Variants in PCDHGA5 observed in about 807,000 individuals in gnomAD.
The protein encoded by PCDHGA5 is protocadherin gamma-A5.
PCDHGA5 carries 36 observed loss-of-function variants against 56.7 expected under a neutral mutation model. That is an observed-to-expected ratio of 0.64 (90% CI 0.49 to 0.84). The LOEUF (loss-of-function observed/expected upper bound fraction) is 0.84, where lower values mean the gene tolerates loss of function less well. PCDHGA5 is among the 40% of genes least tolerant of loss of function. PCDHGA5 has a pLI of 0.00. For missense variants in PCDHGA5, 1,305 were observed against 1,201.5 expected, an observed-to-expected ratio of 1.09 and a Z score of -1.27; for synonymous variants, 563 against 520.2, an observed-to-expected ratio of 1.08 and a Z score of -1.12.
rs143138320 is a variant in PCDHGA5 at position 141,489,458 on chromosome 5, G to C, written c.2422-5349G>C. The stretch of plus-strand genomic sequence containing the variant: ...CAATTGGGCTCTGAGGAGAATGGGC[G>C]CTATTTTTCCCTGAGCTTGATGAGT... On this transcript the variant is annotated intron_variant, in intron 1 of 3. Coordinates refer to ENST00000518069, the MANE Select transcript of PCDHGA5 (RefSeq NM_018918.3). The surrounding 1 kb of genome is among the most constrained non-coding windows in gnomAD (Gnocchi z 4.5). 3.7e-6 allele frequency: 6 copies of C among 1,613,924 alleles called. No individual in the cohort carries two copies. The highest frequency in any genetic ancestry group is 5.1e-6 in the Non-Finnish European group (6 of 1,180,000).
At chr5:141,401,213 G>T (rs1259778152) in intron 1 of PCDHGA5, among the ~76,000 whole-genome samples, 2 of 152,014 alleles carry the variant, frequency 1.3e-5, no homozygotes, top group African/African-American at 4.8e-5. Flanking sequence ...GTGGTGGCGG[G>T]CGCCTGTAAT....
Position 141,505,499 on chromosome 5 carries a change from G to T in PCDHGA5, c.2569+18G>T, listed in dbSNP as rs753203943. 4.3e-6 allele frequency: 7 copies of T among 1,614,172 alleles called. No individual in the cohort carries two copies. The South Asian group carries it at 7.7e-5, about 18-fold the overall frequency. ...CGCCAGTGGTAAGTGGTGTCAGTGTGTGTATGGAAGAGTGGGAGACCTGGG... is the reference window on the plus strand; with the variant it reads ...CGCCAGTGGTAAGTGGTGTCAGTGTTTGTATGGAAGAGTGGGAGACCTGGG... On this transcript the variant is annotated intron_variant, in intron 3 of 3. Coordinates refer to ENST00000518069, the MANE Select transcript of PCDHGA5 (RefSeq NM_018918.3).
intron 1 of PCDHGA5, among the ~76,000 whole-genome samples, chr5:141,461,253 C>A (rs1358900194): frequency 6.6e-6 from 1 of 152,108 alleles, no homozygotes; most frequent in Non-Finnish European, 1.5e-5. Flanking sequence ...ATATTCCCAG[C>A]AGCAATGTGT....
chr5:141,421,051 A>G (rs1330155141), intron 1 of PCDHGA5: 8 of 559,830 alleles, frequency 1.4e-5, no homozygotes, highest in South Asian at 2.6e-5. Flanking sequence ...CCCCGCCTCT[A>G]CCACACAAAG....
At chr5:141,400,264 C>G (rs1184804812) in intron 1 of PCDHGA5, 2 of 1,614,058 alleles carry the variant, frequency 1.2e-6, no homozygotes. Context: ...GCGCCTGCGA[C>G]GCTCCTCCAG....
chr5:141,443,561 C>T (rs1487096752), intron 1 of PCDHGA5, among the ~76,000 whole-genome samples: 3 of 152,118 alleles, frequency 2.0e-5, no homozygotes, highest in Non-Finnish European at 1.5e-5. Context: ...AATTCAAATG[C>T]TTTAAATGGA....
Position 141,477,413 on chromosome 5 carries a change from G to A in PCDHGA5, c.2422-17394G>A. ...CCTCAGCATCACCGCCCGAGACGCC[G>A]GAACCCCTTCCCTCTCAGCCCTTAC... On this transcript the variant is annotated intron_variant, in intron 1 of 3. Transcript: ENST00000518069. This position sits in a 1 kb window ranked among gnomAD's most constrained non-coding sequence, Gnocchi z 4.9. 1 of 1,614,080 alleles carries A rather than the reference G, an allele frequency of 6.2e-7. No individual in the cohort carries two copies. Among genetic ancestry groups the A allele is most frequent in the Non-Finnish European group, 8.5e-7 (1 of 1,180,026 alleles).
chr5:141,414,330 G>A (rs1472752550), intron 1 of PCDHGA5: 2 of 1,613,714 alleles, frequency 1.2e-6, no homozygotes, highest in Non-Finnish European at 1.7e-6. Flanking sequence ...AGAATGGACA[G>A]GTAACCTGTT....
intron 1 of PCDHGA5, among the ~76,000 whole-genome samples, chr5:141,463,025 T>G (rs2099051289): frequency 6.6e-6 from 1 of 152,202 alleles, no homozygotes; most frequent in Non-Finnish European, 1.5e-5. Flanking sequence ...ACTTTTTTGA[T>G]TAATCTGAGT....
At chr5:141,429,329 A>G (rs1561840804) in intron 1 of PCDHGA5, among the ~76,000 whole-genome samples, 1 of 152,122 alleles carries the variant, frequency 6.6e-6, no homozygotes, top group Non-Finnish European at 1.5e-5. Flanking sequence ...TCTTTAATCC[A>G]TTAACTATAA....
intron 1 of PCDHGA5, among the ~76,000 whole-genome samples, chr5:141,381,279 A>G (rs1001552478): frequency 3.3e-5 from 5 of 152,246 alleles, no homozygotes; most frequent in Non-Finnish European, 7.3e-5. Flanking sequence ...GTTTCTTGCC[A>G]GGTCTTTATT....
intron 1 of PCDHGA5, chr5:141,399,680 A>T: frequency 6.2e-7 from 1 of 1,613,514 alleles, no homozygotes; most frequent in Non-Finnish European, 8.5e-7. Context: ...GCCTTTGACT[A>T]CGAGCAGCTG....
At chr5:141,466,004 C>T (rs1336655723) in intron 1 of PCDHGA5, among the ~76,000 whole-genome samples, 1 of 151,920 alleles carries the variant, frequency 6.6e-6, no homozygotes, top group Non-Finnish European at 1.5e-5. Flanking sequence ...CACCTGTAGT[C>T]CCAGCTACTC....
intron 1 of PCDHGA5, chr5:141,433,132 T>A (rs1168186406): frequency 6.2e-7 from 1 of 1,614,122 alleles, no homozygotes; most frequent in Non-Finnish European, 8.5e-7. Context: ...GCGAGCCCCT[T>A]TTGCTGTCAG....
intron 1 of PCDHGA5, chr5:141,420,165 C>T: frequency 6.2e-7 from 1 of 1,614,022 alleles, no homozygotes; most frequent in South Asian, 1.1e-5. Flanking sequence ...AATTTTTTCA[C>T]ATCTGTTGAT....
At chr5:141,504,594 C>T (rs2099839378) in intron 2 of PCDHGA5, among the ~76,000 whole-genome samples, 2 of 140,288 alleles carry the variant, frequency 1.4e-5, no homozygotes, top group South Asian at 4.4e-4. Context: ...GGATTCACAG[C>T]AAGAGGGAAC....
chr5:141,460,921 T>C (rs984603258), intron 1 of PCDHGA5, among the ~76,000 whole-genome samples: 4 of 151,276 alleles, frequency 2.6e-5, no homozygotes, highest in African/African-American at 9.7e-5. Flanking sequence ...TGTATATATA[T>C]ATATGTGTGT....
chr5:141,501,030 A>G (rs2099805050), intron 2 of PCDHGA5, among the ~76,000 whole-genome samples: 1 of 151,848 alleles, frequency 6.6e-6, no homozygotes, highest in Admixed American at 6.6e-5. Flanking sequence ...CACCACGCCC[A>G]GCTAATTTTT....
At chr5:141,505,993 T>TGCGA (rs2099849805) in intron 3 of PCDHGA5, among the ~76,000 whole-genome samples, 1 of 152,188 alleles carries the variant, frequency 6.6e-6, no homozygotes, top group African/African-American at 2.4e-5. Context: ...CTCCTCTTTA[T>TGCGA]GCGAGGCTCC....
Sources: allele counts gnomAD v4.1 joint callset (sites outside exome capture counted in the v4.1 genomes callset), GRCh38; gene constraint gnomAD v4.1.1; non-coding constraint Gnocchi (gnomAD v3.1); transcripts MANE v1.5; gene names NCBI Gene and HGNC (gene_info 2026-07-23, HGNC 2026-07-21).